Variants in PROS1 observed in about 807,000 individuals in gnomAD.
The protein encoded by PROS1 is protein S.
In PROS1, 29 loss-of-function variants were observed where a neutral mutation model predicts 75.9. The observed-to-expected ratio is 0.38, with a 90% confidence interval of 0.28 to 0.52. The LOEUF (loss-of-function observed/expected upper bound fraction) is 0.52, where lower values mean the gene tolerates loss of function less well. Among genes scored for constraint, PROS1 ranks in the 20% least tolerant of loss-of-function variants. The pLI is 0.83. For synonymous variants in PROS1, 245 were observed against 280.6 expected, an observed-to-expected ratio of 0.87 and a Z score of 1.27; for missense variants, 680 against 810.3, an observed-to-expected ratio of 0.84 and a Z score of 1.95.
At chr3:93,884,650 C>A in intron 12 of PROS1, 78 bp downstream of exon 12, 2 of 1,452,246 alleles carry the variant, frequency 1.4e-6, no homozygotes, top group Middle Eastern at 1.8e-4. Context: ...TAATGTTTCA[C>A]AAATAAATTA....
chr3:93,963,725 C>A (rs1709743479), intron 1 of PROS1, among the ~76,000 whole-genome samples: 1 of 152,112 alleles, frequency 6.6e-6, no homozygotes, highest in Admixed American at 6.5e-5. Flanking sequence ...AGACTTTAAA[C>A]AACCAGATCT....
At chr3:93,910,827 T>C (rs1487408198) in intron 3 of PROS1, 122 bp from the exon 4 acceptor site, 1 of 812,240 alleles carries the variant, frequency 1.2e-6, no homozygotes, top group East Asian at 2.7e-5. Context: ...AGATTCAGTC[T>C]TCAAAATGCA....
chr3:93,973,481 C>A, intron 1 of PROS1, 193 bp downstream of exon 1: 1 of 639,250 alleles, frequency 1.6e-6, no homozygotes, highest in Non-Finnish European at 2.9e-6. Context: ...CGCAACTGTG[C>A]AAATAGTGAT....
At chr3:93,911,853 AG>A (rs1424691184) in intron 3 of PROS1, among the ~76,000 whole-genome samples, 3 of 152,148 alleles carry the variant, frequency 2.0e-5, no homozygotes, top group African/African-American at 4.8e-5. Context: ...CCAGATTCAA[AG>A]GGTAGGGTGT....
chr3:93,917,942 T>C (rs1708884165), intron 3 of PROS1, among the ~76,000 whole-genome samples: 1 of 152,072 alleles, frequency 6.6e-6, no homozygotes, highest in Non-Finnish European at 1.5e-5. Flanking sequence ...CCCAGTCCCA[T>C]TGACCACCCA....
At chr3:93,912,567 C>T (rs1044854356) in intron 3 of PROS1, among the ~76,000 whole-genome samples, 3 of 152,024 alleles carry the variant, frequency 2.0e-5, no homozygotes, top group African/African-American at 7.3e-5. Context: ...GTTTCTGGAG[C>T]CCCTATCTGA....
At chr3:93,942,034 G>A (rs995942294) in intron 1 of PROS1, among the ~76,000 whole-genome samples, 1 of 151,946 alleles carries the variant, frequency 6.6e-6, no homozygotes, top group Non-Finnish European at 1.5e-5. Context: ...GTATCTCTCT[G>A]ATCCACTTGA....
intron 1 of PROS1, among the ~76,000 whole-genome samples, chr3:93,950,958 G>A (rs1457535126): frequency 6.6e-6 from 1 of 152,104 alleles, no homozygotes. Context: ...TAGATGAATG[G>A]CTAACAGGAA....
At chr3:93,971,405 C>A (rs763169381) in intron 1 of PROS1, among the ~76,000 whole-genome samples, 6 of 147,490 alleles carry the variant, frequency 4.1e-5, no homozygotes, top group Non-Finnish European at 7.5e-5. Context: ...ATAAATAATT[C>A]TAAATAAAGA....
At chr3:93,953,444 T>G (rs1342924772) in intron 1 of PROS1, among the ~76,000 whole-genome samples, 1 of 152,230 alleles carries the variant, frequency 6.6e-6, no homozygotes, top group Non-Finnish European at 1.5e-5. Context: ...TCAATAAATG[T>G]AATCCAGCAT....
chr3:93,922,170 AAGGG>A, intron 3 of PROS1, among the ~76,000 whole-genome samples: 1 of 152,296 alleles, frequency 6.6e-6, no homozygotes, highest in South Asian at 2.1e-4. Context: ...AGAAGATTTG[AAGGG>A]AGGGAGTCAG....
chr3:93,925,972 C>G (rs1277174945), intron 2 of PROS1, among the ~76,000 whole-genome samples: 1 of 151,770 alleles, frequency 6.6e-6, no homozygotes, highest in Non-Finnish European at 1.5e-5. Context: ...TCCTCACTAT[C>G]TTTCCTCCTC....
At chr3:93,950,818 T>C (rs112573944) in intron 1 of PROS1, among the ~76,000 whole-genome samples, 3 of 152,304 alleles carry the variant, frequency 2.0e-5, no homozygotes, top group African/African-American at 7.2e-5. Flanking sequence ...GGCAACAGAA[T>C]AAAGCTGGAT....
intron 14 of PROS1, 94 bp from the exon 15 acceptor site, chr3:93,874,499 C>T (rs1276821859): frequency 1.2e-5 from 18 of 1,509,568 alleles, no homozygotes; most frequent in Non-Finnish European, 1.5e-5. Flanking sequence ...TGTTTCCAAC[C>T]AAATTCTAAT....
At chr3:93,918,677 TACAGGC>T (rs1254635963) in intron 3 of PROS1, among the ~76,000 whole-genome samples, 2 of 152,142 alleles carry the variant, frequency 1.3e-5, no homozygotes, top group Non-Finnish European at 2.9e-5. Context: ...CAGCTGGGAT[TACAGGC>T]CTCGCCACCA....
At chr3:93,951,541 A>T (rs1709495722) in intron 1 of PROS1, among the ~76,000 whole-genome samples, 1 of 152,206 alleles carries the variant, frequency 6.6e-6, no homozygotes, top group Non-Finnish European at 1.5e-5. Context: ...AGGCAAGTAA[A>T]TGCTGAGAGA....
At chr3:93,910,065 C>G (rs901988362) in intron 4 of PROS1, among the ~76,000 whole-genome samples, 5 of 152,134 alleles carry the variant, frequency 3.3e-5, no homozygotes, top group African/African-American at 1.2e-4. Flanking sequence ...AAAATATTCT[C>G]TGAACAAACA....
At position 93,873,091 on chromosome 3, in the gene PROS1, TAAAG is replaced by T. The variant is rs1708130322; in HGVS notation, c.*1150_*1153del. 1.3e-5 allele frequency: 2 copies of T among 152,206 alleles called. No individual in the cohort carries two copies. The highest frequency in any genetic ancestry group is 2.4e-5 in the African/African-American group (1 of 41,462). 9.4% of individuals were successfully genotyped at this position (152,206 alleles called of 1,614,324 possible). A position where few individuals can be genotyped will look rare whatever the true frequency, so the allele number is the denominator to read the frequency against. On this transcript the variant is annotated 3_prime_UTR_variant, in exon 15 of 15. Coordinates refer to ENST00000394236, the MANE Select transcript of PROS1 (RefSeq NM_000313.4). ...TGTTTTATTCAAACAGTTGATATAA[TAAAG>T]ATATTCACATGCATTTTAAAATTAT...
At chr3:93,956,512 GTCTC>G (rs376634185) in intron 1 of PROS1, among the ~76,000 whole-genome samples, 44 of 98,696 alleles carry the variant, frequency 4.5e-4, no homozygotes, top group South Asian at 2.0e-3. Flanking sequence ...CTCTCTCTCT[GTCTC>G]TCTCTCTCTC....
Sources: allele counts gnomAD v4.1 joint callset (sites outside exome capture counted in the v4.1 genomes callset), GRCh38; gene constraint gnomAD v4.1.1; transcripts MANE v1.5; gene names NCBI Gene and HGNC (gene_info 2026-07-23, HGNC 2026-07-21).